Variants in RNF217 observed in about 807,000 individuals in gnomAD.
RNF217 encodes ring finger protein 217.
Under a neutral mutation model 57.8 loss-of-function variants are expected in RNF217, and 31 were observed. The observed-to-expected ratio is 0.54, with a 90% CI of 0.40 to 0.72. The LOEUF (loss-of-function observed/expected upper bound fraction) is 0.72. Among genes scored for constraint, RNF217 ranks in the 30% least tolerant of loss-of-function variants. The probability of loss-of-function intolerance (pLI) is 0.00; values close to 1 mark genes in which losing one functional copy is unlikely to be tolerated. For synonymous variants in RNF217, 313 were observed against 294.0 expected (o/e 1.06, Z -0.66); for missense variants, 696 against 708.3 (o/e 0.98, Z 0.20).
intron 1 of RNF217, among the ~76,000 whole-genome samples, chr6:125,030,761 A>ATC (rs1365427831): frequency 2.0e-5 from 3 of 151,956 alleles, no homozygotes; most frequent in Non-Finnish European, 4.4e-5. Context: ...TTTTCCAGGC[A>ATC]CACGGTGCAA....
intron 1 of RNF217, chr6:125,009,274 G>C: frequency 1.2e-6 from 2 of 1,606,666 alleles, no homozygotes; most frequent in Non-Finnish European, 1.7e-6. Flanking sequence ...GTTCAAGAAA[G>C]GGATGAAGGT....
chr6:125,056,732 C>T (rs1787537581), intron 2 of RNF217, among the ~76,000 whole-genome samples: 1 of 152,100 alleles, frequency 6.6e-6, no homozygotes, highest in Admixed American at 6.6e-5. Context: ...AGAGAGTGGT[C>T]AGTTATAAAT....
intron 2 of RNF217, among the ~76,000 whole-genome samples, chr6:125,051,742 C>T (rs939045129): frequency 3.9e-5 from 6 of 151,974 alleles, no homozygotes; most frequent in African/African-American, 1.2e-4. Flanking sequence ...CACAGTGGAC[C>T]TCTTGCTACT....
intron 1 of RNF217, among the ~76,000 whole-genome samples, chr6:124,980,026 C>T (rs1784103936): frequency 6.6e-6 from 1 of 152,168 alleles, no homozygotes; most frequent in Admixed American, 6.5e-5. Context: ...CTAGGTTTTA[C>T]AAGTCTGTGT....
At chr6:125,054,078 A>G (rs1174392620) in intron 2 of RNF217, among the ~76,000 whole-genome samples, 1 of 152,172 alleles carries the variant, frequency 6.6e-6, no homozygotes, top group Non-Finnish European at 1.5e-5. Flanking sequence ...TACATGAGAC[A>G]AAGCCTTTGA....
chr6:124,978,623 C>T (rs1449444147), intron 1 of RNF217, among the ~76,000 whole-genome samples: 3 of 152,020 alleles, frequency 2.0e-5, no homozygotes, highest in Non-Finnish European at 2.9e-5. Context: ...GTCTGACAAG[C>T]GGGAGTGTGC....
rs1788873815 is a variant in RNF217 at position 125,089,562 on chromosome 6, C to T, written c.*6625C>T. On this transcript the variant is annotated 3_prime_UTR_variant, in exon 6 of 6. Transcript: ENST00000521654. Reference sequence around the variant, plus strand: ...ACCCTATTCTAGAGAAAACATTTGTCATTTGCAAGTGTTTGACTTTTTTAT... The same window carrying T: ...ACCCTATTCTAGAGAAAACATTTGTTATTTGCAAGTGTTTGACTTTTTTAT... 6.6e-6 allele frequency: 1 copy of T among 152,112 alleles called. No homozygotes were observed. Among genetic ancestry groups the T allele is most frequent in the Non-Finnish European group, 1.5e-5 (1 of 68,008 alleles). 9.4% of individuals were successfully genotyped at this position (152,112 alleles called of 1,614,324 possible). A position where few individuals can be genotyped will look rare whatever the true frequency, so the allele number is the denominator to read the frequency against.
At chr6:125,060,356 T>TACAC (rs71706851) in intron 3 of RNF217, among the ~76,000 whole-genome samples, 229 of 150,240 alleles carry the variant, frequency 1.5e-3, no homozygotes, top group African/African-American at 4.1e-3. Context: ...TATATGTGTA[T>TACAC]ACACACACAC....
chr6:125,085,578 C>T lies in RNF217; in HGVS notation c.*2641C>T, dbSNP rs905557970. 5.9e-5 allele frequency: 9 copies of T among 151,752 alleles called. No homozygotes were observed. The highest frequency in any genetic ancestry group is 2.2e-4 in the African/African-American group (9 of 41,376). 9.4% of individuals were successfully genotyped at this position (151,752 alleles called of 1,614,324 possible). On this transcript the variant is annotated 3_prime_UTR_variant, in exon 6 of 6. Coordinates refer to ENST00000521654, the MANE Select transcript of RNF217 (RefSeq NM_001286398.3). The stretch of plus-strand genomic sequence containing the variant: ...TTCTAAAAACTACTTTAAAAAGAAG[C>T]GTGCACATAAAATAAATATCTTTCT...
At position 124,989,428 on chromosome 6, in the gene RNF217, G is replaced by A. The variant is rs562765511; in HGVS notation, c.882+26002G>A. Among the ~76,000 whole-genome samples the A allele has an allele frequency of 1.0e-3, 155 of 152,214 alleles. 2 individuals are homozygous for A. The highest frequency in any genetic ancestry group is 4.4e-5 in the Non-Finnish European group (3 of 68,012). The stretch of plus-strand genomic sequence containing the variant: ...AAAAGTAATGCAAGAGTCATGGTAA[G>A]GTAATATGCATGGCACTCCAAATGC... On this transcript the variant is annotated intron_variant, in intron 1 of 5. Coordinates refer to ENST00000521654, the MANE Select transcript of RNF217 (RefSeq NM_001286398.3).
chr6:125,048,140 TG>T, intron 2 of RNF217: 1 of 1,259,086 alleles, frequency 7.9e-7, no homozygotes, highest in Non-Finnish European at 1.1e-6. Flanking sequence ...CATACCTGTC[TG>T]GGTATTATAG....
chr6:125,045,519 G>T, intron 2 of RNF217, 75 bp downstream of exon 2: 1 of 1,040,086 alleles, frequency 9.6e-7, no homozygotes, highest in Non-Finnish European at 1.4e-6. Flanking sequence ...CTTGTCGTGG[G>T]CATTAAGGGG....
At chr6:125,043,602 G>T (rs1186117068) in intron 1 of RNF217, among the ~76,000 whole-genome samples, 1 of 151,896 alleles carries the variant, frequency 6.6e-6, no homozygotes, top group Non-Finnish European at 1.5e-5. Context: ...ATTAAGCCAG[G>T]TTCTTAGTTG....
intron 1 of RNF217, among the ~76,000 whole-genome samples, chr6:124,991,327 A>G (rs188232981): frequency 1.3e-5 from 2 of 152,260 alleles, no homozygotes; most frequent in Non-Finnish European, 2.9e-5. Context: ...CATCTTTCCC[A>G]TAATATTTAC....
intron 1 of RNF217, chr6:125,008,716 C>G (rs1785293752): frequency 6.7e-6 from 1 of 148,926 alleles, no homozygotes; most frequent in South Asian, 2.1e-4. Context: ...TTGTATCTAT[C>G]TGGTCCTTTC....
intron 1 of RNF217, among the ~76,000 whole-genome samples, chr6:125,030,584 A>G (rs1004299086): frequency 6.6e-5 from 10 of 152,210 alleles, no homozygotes; most frequent in African/African-American, 2.2e-4. Flanking sequence ...AGGGCAGTCC[A>G]ATTTTAAAGT....
At chr6:124,967,795 T>G (rs573658888) in intron 1 of RNF217, among the ~76,000 whole-genome samples, 1 of 152,248 alleles carries the variant, frequency 6.6e-6, no homozygotes, top group East Asian at 1.9e-4. Context: ...TTTTTTTTTC[T>G]TTGAGAGAAT....
At position 125,083,854 on chromosome 6, in the gene RNF217, C is replaced by T. The variant is rs1375879424; in HGVS notation, c.*917C>T. On this transcript the variant is annotated 3_prime_UTR_variant, in exon 6 of 6. Transcript: ENST00000521654. ...AAACTGGCTGCTTTTAGGAAATTCT[C>T]AAGACACAAATATTCAGTCTTTTTA... is the stretch of plus-strand genomic sequence containing the variant. 6.6e-6 allele frequency: 1 copy of T among 152,066 alleles called. No individual in the cohort carries two copies. Among genetic ancestry groups the T allele is most frequent in the African/African-American group, 2.4e-5 (1 of 41,424 alleles). The allele number at this position is 152,066 out of a possible 1,614,324, so 9.4% of individuals were successfully genotyped here. A position where few individuals can be genotyped will look rare whatever the true frequency, so the allele number is the denominator to read the frequency against.
At chr6:125,005,199 A>AT (rs1467712585) in intron 1 of RNF217, among the ~76,000 whole-genome samples, 2 of 152,198 alleles carry the variant, frequency 1.3e-5, no homozygotes. Flanking sequence ...TGTTCAAACC[A>AT]TAACAGGCCT....
Sources: allele counts gnomAD v4.1 joint callset (sites outside exome capture counted in the v4.1 genomes callset), GRCh38; gene constraint gnomAD v4.1.1; transcripts MANE v1.5; gene names NCBI Gene and HGNC (gene_info 2026-07-23, HGNC 2026-07-21).